Variants in PDLIM5 observed in about 807,000 individuals in gnomAD.
The protein encoded by PDLIM5 is PDZ and LIM domain protein 5.
PDLIM5 carries 34 observed loss-of-function variants against 64.2 expected under a neutral mutation model. That is an observed-to-expected ratio of 0.53 (90% CI 0.40 to 0.71). The LOEUF is 0.71. Ranked by LOEUF, PDLIM5 falls within the 30% of genes least tolerant of loss-of-function variation. PDLIM5 has a pLI of 0.00. For missense variants in PDLIM5, 683 were observed against 733.6 expected, an observed-to-expected ratio of 0.93 and a Z score of 0.80; for synonymous variants, 253 against 269.1, an observed-to-expected ratio of 0.94 and a Z score of 0.59.
At chr4:94,481,430 T>C (rs7673478) in intron 2 of PDLIM5, among the ~76,000 whole-genome samples, 4,795 of 151,422 alleles carry the variant, frequency 0.032, 247 homozygotes, top group African/African-American at 0.1. Flanking sequence ...ATTACAGGCA[T>C]GTGCCACCAT....
intron 8 of PDLIM5, among the ~76,000 whole-genome samples, chr4:94,636,599 T>C (rs1740588123): frequency 1.3e-5 from 2 of 148,230 alleles, no homozygotes; most frequent in Admixed American, 6.9e-5. Context: ...AGTGCAGTGG[T>C]GCGATCTTGG....
At chr4:94,467,559 G>A (rs1302312698) in intron 2 of PDLIM5, among the ~76,000 whole-genome samples, 3 of 152,006 alleles carry the variant, frequency 2.0e-5, no homozygotes, top group Admixed American at 2.0e-4. Context: ...TGATCCACCC[G>A]CCTCAGCCTC....
intron 2 of PDLIM5, among the ~76,000 whole-genome samples, chr4:94,486,694 A>C (rs771103554): frequency 3.9e-5 from 6 of 152,100 alleles, no homozygotes; most frequent in Non-Finnish European, 8.8e-5. Context: ...TCTTGCTACC[A>C]TATGTGAAAA....
Position 94,516,628 on chromosome 4 carries a change from G to A in PDLIM5, c.97-7096G>A, listed in dbSNP as rs371536140. On this transcript the variant is annotated intron_variant, in intron 2 of 12. Transcript: ENST00000317968. ...AGCCTCGATCTCCTGGGCTCAGGTC[G>A]TCCTCCTGCCTCAGCCTCCTGAGTA... Among the ~76,000 whole-genome samples the A allele has an allele frequency of 6.6e-5, 10 of 151,980 alleles. No individual in the cohort carries two copies. The East Asian group carries it at 9.7e-4, about 15-fold the overall frequency.
At chr4:94,471,341 G>T (rs1232844556) in intron 2 of PDLIM5, among the ~76,000 whole-genome samples, 1 of 151,508 alleles carries the variant, frequency 6.6e-6, no homozygotes, top group Middle Eastern at 3.2e-3. Flanking sequence ...TTTCGTAAAA[G>T]ATTTTATCTT....
chr4:94,492,316 T>A (rs574982655), intron 2 of PDLIM5, among the ~76,000 whole-genome samples: 3 of 152,086 alleles, frequency 2.0e-5, no homozygotes, highest in African/African-American at 7.2e-5. Context: ...CCCATCCTGT[T>A]TTCTCTCTTT....
chr4:94,628,484 C>T (rs558628935), intron 8 of PDLIM5, among the ~76,000 whole-genome samples: 9 of 151,744 alleles, frequency 5.9e-5, no homozygotes, highest in Middle Eastern at 3.4e-3. Context: ...TCATTAGAGA[C>T]GTTGTAGATA....
At chr4:94,543,479 A>G (rs1459939948) in intron 3 of PDLIM5, among the ~76,000 whole-genome samples, 1 of 152,140 alleles carries the variant, frequency 6.6e-6, no homozygotes, top group African/African-American at 2.4e-5. Context: ...GCAATTATCA[A>G]GAATATACTA....
At chr4:94,600,925 A>G (rs1737437083) in intron 7 of PDLIM5, among the ~76,000 whole-genome samples, 1 of 152,256 alleles carries the variant, frequency 6.6e-6, no homozygotes, top group South Asian at 2.1e-4. Context: ...CTAGATAACT[A>G]AAGAATTTAC....
At chr4:94,538,022 G>T (rs1731461228) in intron 3 of PDLIM5, among the ~76,000 whole-genome samples, 1 of 151,660 alleles carries the variant, frequency 6.6e-6, no homozygotes, top group South Asian at 2.1e-4. Context: ...ACATTTGTTT[G>T]ATATTCCAGT....
intron 9 of PDLIM5, among the ~76,000 whole-genome samples, chr4:94,647,986 A>G (rs1284933900): frequency 6.6e-6 from 1 of 152,200 alleles, no homozygotes; most frequent in Non-Finnish European, 1.5e-5. Flanking sequence ...AATGTAATAT[A>G]CCAAAACTTA....
chr4:94,484,951 A>C (rs923856465), intron 2 of PDLIM5, among the ~76,000 whole-genome samples: 17 of 152,274 alleles, frequency 1.1e-4, no homozygotes, highest in African/African-American at 2.6e-4. Flanking sequence ...GTAATTGGAC[A>C]ATAAGTTGTC....
intron 3 of PDLIM5, among the ~76,000 whole-genome samples, chr4:94,529,815 A>G (rs1036513778): frequency 2.6e-5 from 4 of 152,214 alleles, no homozygotes; most frequent in African/African-American, 7.2e-5. Flanking sequence ...CAACTGAACT[A>G]TAAAAAATTC....
At chr4:94,455,797 T>A in intron 2 of PDLIM5, 1 of 1,514,806 alleles carries the variant, frequency 6.6e-7, no homozygotes, top group Non-Finnish European at 8.9e-7. Flanking sequence ...ATAAAATGAT[T>A]GTTTCGGAAT....
chr4:94,594,834 C>G (rs1052277211), intron 7 of PDLIM5, among the ~76,000 whole-genome samples: 2 of 151,994 alleles, frequency 1.3e-5, no homozygotes, highest in Admixed American at 1.3e-4. Flanking sequence ...CTTTATCTCC[C>G]TTGCTTAAAG....
chr4:94,475,950 C>G lies in PDLIM5; in HGVS notation c.96+20566C>G, dbSNP rs530237350. 9.9e-5 allele frequency among the ~76,000 whole-genome samples: 15 copies of G among 152,230 alleles called. No individual in the cohort carries two copies. In the East Asian group the frequency reaches 2.9e-3, roughly 29 times the overall value. On this transcript the variant is annotated intron_variant, in intron 2 of 12. Transcript: ENST00000317968. ...CAAATCACCTCCCAGTTCAATAACC[C>G]CAAGGCAGTTTTGTTATGCCTTCTC...
intron 3 of PDLIM5, among the ~76,000 whole-genome samples, chr4:94,571,401 A>C (rs1284688242): frequency 6.6e-6 from 1 of 152,204 alleles, no homozygotes; most frequent in Admixed American, 6.5e-5. Flanking sequence ...TGAGGATACT[A>C]CTGGGCTGAG....
chr4:94,478,593 T>A (rs1725543343), intron 2 of PDLIM5, among the ~76,000 whole-genome samples: 1 of 152,192 alleles, frequency 6.6e-6, no homozygotes, highest in Admixed American at 6.5e-5. Flanking sequence ...TTTAAAATAT[T>A]TGATTTTGTG....
intron 8 of PDLIM5, among the ~76,000 whole-genome samples, chr4:94,626,203 A>G (rs980192143): frequency 6.6e-6 from 1 of 152,194 alleles, no homozygotes; most frequent in African/African-American, 2.4e-5. Context: ...TCATGAATAC[A>G]ATGGGCGGCC....
Sources: gnomAD v4.1 joint callset for allele counts (sites outside exome capture counted in the v4.1 genomes callset) on GRCh38, gnomAD v4.1.1 for gene constraint, MANE v1.5 for transcripts, NCBI Gene and HGNC (gene_info 2026-07-23, HGNC 2026-07-21) for gene names.